The following PEX11A variants were observed in gnomAD, a reference collection of about 807,000 sequenced individuals.
PEX11A encodes the protein peroxisomal biogenesis factor 11 alpha.
A neutral mutation model predicts 14.4 loss-of-function variants in PEX11A; 13 were observed. That is an observed-to-expected ratio of 0.90 (90% CI 0.59 to 1.43). The LOEUF is 1.43. PEX11A is among the 40% of genes most tolerant of loss of function. The pLI, the probability that PEX11A is intolerant of heterozygous loss-of-function variation, is 0.00. For synonymous variants in PEX11A, 101 were observed against 113.0 expected, an observed-to-expected ratio of 0.89 and a Z score of 0.67; for missense variants, 290 against 302.8, an observed-to-expected ratio of 0.96 and a Z score of 0.31.
At chr15:89,685,493 G>A (rs973975986) in intron 2 of PEX11A, among the ~76,000 whole-genome samples, 4 of 151,564 alleles carry the variant, frequency 2.6e-5, no homozygotes. Flanking sequence ...CCATCCCTCT[G>A]CTTGACAATT....
At chr15:89,687,169 C>T (rs1002308633) in intron 1 of PEX11A, among the ~76,000 whole-genome samples, 1 of 152,074 alleles carries the variant, frequency 6.6e-6, no homozygotes, top group African/African-American at 2.4e-5. Flanking sequence ...GTGATCTGCC[C>T]TACTCAACCT....
At chr15:89,690,533 A>T in intron 1 of PEX11A, 44 bp downstream of exon 1, 1 of 1,471,368 alleles carries the variant, frequency 6.8e-7, no homozygotes, top group Non-Finnish European at 9.3e-7. Context: ...ACGGGAGCCG[A>T]GTTAGGGCGA....
rs1000752627 is a variant in PEX11A at position 89,681,771 on chromosome 15, C to A, written c.*1606G>T. 2.3e-6 allele frequency: 1 copy of A among 436,444 alleles called. No homozygotes were observed. Among genetic ancestry groups the A allele is most frequent in the Non-Finnish European group, 4.1e-6 (1 of 245,386 alleles). 27.0% of individuals were successfully genotyped at this position (436,444 alleles called of 1,614,324 possible). A position where few individuals can be genotyped will look rare whatever the true frequency, so the allele number is the denominator to read the frequency against. ...TCTGGGAAATGTGACTTATTGAGTA[C>A]ATATTTATTTTCTCATTTCCATTCA... On this transcript the variant is annotated 3_prime_UTR_variant, in exon 3 of 3. Transcript: ENST00000300056.
chr15:89,682,340 A>AT lies in PEX11A; in HGVS notation c.*1036dup. Reference sequence around the variant, plus strand: ...AGGCATACTCCACCATGCCTGGCTAATTTTTTAACACTTTGTTGTAGAGAA... The same window carrying AT: ...AGGCATACTCCACCATGCCTGGCTAATTTTTTTAACACTTTGTTGTAGAGAA... On this transcript the variant is annotated 3_prime_UTR_variant, in exon 3 of 3. Coordinates refer to ENST00000300056, the MANE Select transcript of PEX11A (RefSeq NM_003847.3). 1 of 152,158 alleles carries AT rather than the reference A, an allele frequency of 6.6e-6. No individual in the cohort carries two copies. Among genetic ancestry groups the AT allele is most frequent in the Non-Finnish European group, 1.5e-5 (1 of 68,034 alleles). The allele number at this position is 152,158 out of a possible 1,614,324, so 9.4% of individuals were successfully genotyped here.
At position 89,682,259 on chromosome 15, in the gene PEX11A, G is replaced by A. The variant is rs1164658272; in HGVS notation, c.*1118C>T. 2 of 152,116 alleles carry A rather than the reference G, an allele frequency of 1.3e-5. No individual in the cohort carries two copies. The highest frequency in any genetic ancestry group is 2.4e-5 in the African/African-American group (1 of 41,386). 9.4% of individuals were successfully genotyped at this position (152,116 alleles called of 1,614,324 possible). On this transcript the variant is annotated 3_prime_UTR_variant, in exon 3 of 3. Transcript: ENST00000300056. Reference sequence around the variant, plus strand: ...TGCGGTGGAAGCTCACTGCAGCCTTGAACTCCTGGGCTCAAGTGATCCTCC... The same window carrying A: ...TGCGGTGGAAGCTCACTGCAGCCTTAAACTCCTGGGCTCAAGTGATCCTCC...
intron 2 of PEX11A, among the ~76,000 whole-genome samples, chr15:89,685,779 C>A (rs948078195): frequency 6.6e-6 from 1 of 152,134 alleles, no homozygotes; most frequent in Non-Finnish European, 1.5e-5. Flanking sequence ...TCAAAACCAA[C>A]TGATCAATAT....
chr15:89,684,040 TG>T (rs1321528074), intron 2 of PEX11A, 92 bp from the exon 3 acceptor site: 2 of 874,602 alleles, frequency 2.3e-6, no homozygotes, highest in Admixed American at 2.4e-5. Flanking sequence ...GCCAGCTTTT[TG>T]TTGTTTTTTG....
In PEX11A at chr15:89,684,034, G is replaced by A. The variant is rs192542780; in HGVS notation, c.173-86C>T. 4.0e-6 allele frequency: 4 copies of A among 1,006,396 alleles called. No individual in the cohort carries two copies. In the Admixed American group the frequency reaches 9.3e-5, roughly 23 times the overall value. The allele number at this position is 1,006,396 out of a possible 1,614,324, so 62.3% of individuals were successfully genotyped here. A position where few individuals can be genotyped will look rare whatever the true frequency, so the allele number is the denominator to read the frequency against. ...ATCCCTGTATCAGGGTGAGGAGCCA[G>A]CTTTTTGTTGTTTTTTGTTGAGACA... On this transcript the variant is annotated intron_variant, in intron 2 of 2. Coordinates refer to ENST00000300056, the MANE Select transcript of PEX11A (RefSeq NM_003847.3).
chr15:89,683,251 G>T lies in PEX11A; in HGVS notation c.*126C>A. ...GGCCTCATCTCTGCCCACATCACAG[G>T]TTGTTAAATGCTCACATGAACAAGA... On this transcript the variant is annotated 3_prime_UTR_variant, in exon 3 of 3. Coordinates refer to ENST00000300056, the MANE Select transcript of PEX11A (RefSeq NM_003847.3). 1 of 708,634 alleles carries T rather than the reference G, an allele frequency of 1.4e-6. No homozygotes were observed. Among genetic ancestry groups the T allele is most frequent in the Non-Finnish European group, 2.5e-6 (1 of 406,370 alleles). 43.9% of individuals were successfully genotyped at this position (708,634 alleles called of 1,614,324 possible). A position where few individuals can be genotyped will look rare whatever the true frequency, so the allele number is the denominator to read the frequency against.
In PEX11A at chr15:89,683,068, C is replaced by T; in HGVS notation, c.*309G>A. The T allele has an allele frequency of 3.2e-6, 1 of 309,598 alleles. No individual in the cohort carries two copies. Among genetic ancestry groups the T allele is most frequent in the Non-Finnish European group, 5.9e-6 (1 of 168,808 alleles). The allele number at this position is 309,598 out of a possible 1,614,324, so 19.2% of individuals were successfully genotyped here. A position where few individuals can be genotyped will look rare whatever the true frequency, so the allele number is the denominator to read the frequency against. ...CGATTGGGTCTTTTTAAATTTTTTC[C>T]TTTCAATTTTTATTCATTCAGCAAA... is the stretch of plus-strand genomic sequence containing the variant. On this transcript the variant is annotated 3_prime_UTR_variant, in exon 3 of 3. Transcript: ENST00000300056.
At chr15:89,685,698 T>G (rs754431527) in intron 2 of PEX11A, among the ~76,000 whole-genome samples, 1 of 151,994 alleles carries the variant, frequency 6.6e-6, no homozygotes, top group Non-Finnish European at 1.5e-5. Flanking sequence ...GCACTAAATC[T>G]TATATATCAT....
At chr15:89,684,006 A>G (rs775326059) in intron 2 of PEX11A, 58 bp from the exon 3 acceptor site, 31 of 1,246,522 alleles carry the variant, frequency 2.5e-5, no homozygotes, top group Non-Finnish European at 3.2e-5. Flanking sequence ...ACAGGAAGAT[A>G]GAATCCCTGT....
rs1399027347 is a variant in PEX11A at position 89,681,772 on chromosome 15, A to G, written c.*1605T>C. 1 of 431,814 alleles carries G rather than the reference A, an allele frequency of 2.3e-6. No individual in the cohort carries two copies. The highest frequency in any genetic ancestry group is 3.6e-5 in the East Asian group (1 of 27,470). 26.7% of individuals were successfully genotyped at this position (431,814 alleles called of 1,614,324 possible). On this transcript the variant is annotated 3_prime_UTR_variant, in exon 3 of 3. Transcript: ENST00000300056. ...CTGGGAAATGTGACTTATTGAGTAC[A>G]TATTTATTTTCTCATTTCCATTCAG...
At chr15:89,688,951 T>G (rs1024680020) in intron 1 of PEX11A, among the ~76,000 whole-genome samples, 10 of 152,068 alleles carry the variant, frequency 6.6e-5, no homozygotes, top group African/African-American at 1.9e-4. Flanking sequence ...CCTGACTTTG[T>G]GATCCGCCCA....
At chr15:89,686,930 T>G (rs754573818) in intron 1 of PEX11A, among the ~76,000 whole-genome samples, 35 of 144,666 alleles carry the variant, frequency 2.4e-4, no homozygotes, top group Non-Finnish European at 4.9e-4. Context: ...TTTGTTTTTT[T>G]TTTGTTTGTT....
intron 1 of PEX11A, among the ~76,000 whole-genome samples, chr15:89,690,327 G>T (rs1013070612): frequency 1.3e-5 from 2 of 152,228 alleles, no homozygotes; most frequent in Non-Finnish European, 2.9e-5. Context: ...CGGTCTCGAG[G>T]CGGCTAGGGT....
At position 89,681,893 on chromosome 15, in the gene PEX11A, T is replaced by C. The variant is rs1964605729; in HGVS notation, c.*1484A>G. The C allele has an allele frequency of 4.8e-6, 1 of 208,006 alleles. No individual in the cohort carries two copies. Among genetic ancestry groups the C allele is most frequent in the Non-Finnish European group, 9.7e-6 (1 of 102,768 alleles). The allele number at this position is 208,006 out of a possible 1,614,324, so 12.9% of individuals were successfully genotyped here. On this transcript the variant is annotated 3_prime_UTR_variant, in exon 3 of 3. Transcript: ENST00000300056. ...CACCTCCCTCAAACTAAAGGATCTG[T>C]AACCACATATAAAGACCCACACCCA...
At position 89,683,735 on chromosome 15, in the gene PEX11A, T is replaced by C. The variant is rs375331691; in HGVS notation, c.386A>G (p.Tyr129Cys). Reference protein sequence around the residue: ...WRTRAAHHYYYSLLLSLVRDL... With the variant: ...WRTRAAHHYYCSLLLSLVRDL... The stretch of plus-strand genomic sequence containing the variant: ...CCTGACCAGGCTCAGCAGAAGAGAA[T>C]AGTAGTAGTGGTGAGCAGCCCTCGT... Residue 129 changes from tyrosine (Y) to cysteine (C), a missense_variant, in exon 3 of 3, where the codon TAT becomes TGT. Tyr to Cys is a radical substitution (Grantham distance 194). Transcript: ENST00000300056. 18 of 1,613,750 alleles carry C rather than the reference T, an allele frequency of 1.1e-5. No individual in the cohort carries two copies. Among genetic ancestry groups the C allele is most frequent in the South Asian group, 3.3e-5 (3 of 91,078 alleles).
At chr15:89,685,006 G>T (rs759786936) in intron 2 of PEX11A, among the ~76,000 whole-genome samples, 1 of 151,752 alleles carries the variant, frequency 6.6e-6, no homozygotes, top group African/African-American at 2.4e-5. Context: ...CCTGGCCAAC[G>T]TGGTGAAACC....
Sources: gnomAD v4.1 joint callset for allele counts (sites outside exome capture counted in the v4.1 genomes callset) on GRCh38, gnomAD v4.1.1 for gene constraint, MANE v1.5 for transcripts, NCBI Gene and HGNC (gene_info 2026-07-23, HGNC 2026-07-21) for gene names.